The following FAR2 variants were observed in gnomAD, a reference collection of about 807,000 sequenced individuals.
FAR2 encodes the protein epididymis secretory protein Li 81.
A neutral mutation model predicts 56.0 loss-of-function variants in FAR2; 19 were observed. The observed-to-expected ratio is 0.34, with a 90% CI of 0.24 to 0.50. FAR2 has a LOEUF of 0.50. FAR2 is among the 20% of genes least tolerant of loss of function. The pLI is 0.98. For missense variants in FAR2, 508 were observed against 642.2 expected, an observed-to-expected ratio of 0.79 and a Z score of 2.26; for synonymous variants, 219 against 218.8, an observed-to-expected ratio of 1.00 and a Z score of -0.01.
chr12:29,254,411 G>A (rs1948281356), intron 1 of FAR2, among the ~76,000 whole-genome samples: 1 of 152,122 alleles, frequency 6.6e-6, no homozygotes, highest in Admixed American at 6.6e-5. Flanking sequence ...GCTATTTTAG[G>A]GCGGTCCCAA....
chr12:29,259,570 C>A (rs947129845), intron 1 of FAR2, among the ~76,000 whole-genome samples: 1 of 152,126 alleles, frequency 6.6e-6, no homozygotes, highest in African/African-American at 2.4e-5. Flanking sequence ...CCTAACACAC[C>A]TATAATGATT....
intron 2 of FAR2, among the ~76,000 whole-genome samples, chr12:29,280,074 G>A (rs1306480241): frequency 6.6e-5 from 10 of 152,052 alleles, no homozygotes; most frequent in African/African-American, 2.2e-4. Flanking sequence ...ACAGGCACCC[G>A]CCACCATGCC....
intron 1 of FAR2, among the ~76,000 whole-genome samples, chr12:29,266,665 C>T (rs1328395685): frequency 1.3e-5 from 2 of 151,852 alleles, no homozygotes; most frequent in Non-Finnish European, 1.5e-5. Flanking sequence ...GTTTGTAACA[C>T]AAAGAATGGA....
At chr12:29,177,113 C>T (rs1949946165) in intron 1 of FAR2, among the ~76,000 whole-genome samples, 1 of 152,134 alleles carries the variant, frequency 6.6e-6, no homozygotes, top group South Asian at 2.1e-4. Flanking sequence ...AAATAAATAA[C>T]CCGATTACGA....
intron 8 of FAR2, among the ~76,000 whole-genome samples, chr12:29,312,485 G>A (rs967355315): frequency 6.6e-6 from 1 of 152,082 alleles, no homozygotes; most frequent in Non-Finnish European, 1.5e-5. Context: ...GAAGCACTAT[G>A]GGAGAAATAA....
intron 1 of FAR2, among the ~76,000 whole-genome samples, chr12:29,224,649 G>A (rs1947737086): frequency 6.6e-6 from 1 of 152,110 alleles, no homozygotes; most frequent in African/African-American, 2.4e-5. Flanking sequence ...GGGCGAACTG[G>A]AACAGGGCCT....
chr12:29,182,783 T>G (rs570977594), intron 1 of FAR2, among the ~76,000 whole-genome samples: 3 of 152,288 alleles, frequency 2.0e-5, no homozygotes, highest in African/African-American at 7.2e-5. Context: ...AGGGTTTTAC[T>G]GGGAGAGGGC....
intron 1 of FAR2, among the ~76,000 whole-genome samples, chr12:29,265,189 A>G (rs1948493299): frequency 6.6e-6 from 1 of 152,238 alleles, no homozygotes; most frequent in Non-Finnish European, 1.5e-5. Context: ...TAAAATTTAT[A>G]TGGAACCACA....
At chr12:29,309,026 GCC>G (rs1488060107) in intron 5 of FAR2, among the ~76,000 whole-genome samples, 158 bp from the exon 6 acceptor site, 3 of 152,076 alleles carry the variant, frequency 2.0e-5, no homozygotes, top group Admixed American at 1.3e-4. Flanking sequence ...CCAATGCTTT[GCC>G]ATTATCTTTT....
At chr12:29,202,398 G>A (rs1024734788) in intron 1 of FAR2, among the ~76,000 whole-genome samples, 1 of 152,126 alleles carries the variant, frequency 6.6e-6, no homozygotes, top group Non-Finnish European at 1.5e-5. Flanking sequence ...ATTCTCAAAT[G>A]GACATTTATT....
chr12:29,288,601 C>T (rs1344352136), intron 2 of FAR2, among the ~76,000 whole-genome samples: 1 of 152,124 alleles, frequency 6.6e-6, no homozygotes, highest in Admixed American at 6.5e-5. Flanking sequence ...CTTGTCCCTT[C>T]AGTCTTGTCA....
At chr12:29,301,665 T>C (rs1184098103) in intron 4 of FAR2, 1 of 152,184 alleles carries the variant, frequency 6.6e-6, no homozygotes, top group Admixed American at 6.5e-5. Context: ...ATTGAGCATA[T>C]GTAAATAAAT....
rs749998421 is a variant in FAR2, at chr12:29,311,050, C to G, written c.791C>G (p.Ala264Gly). ...IIATGKGFLR[A>G]IKATPMAVAD... is the part of the protein sequence containing the mutation. ...CAGACTGGGAAAGGGTTTCTTCGGG[C>G]CATAAAAGCTACTCCAATGGCTGTG... The change falls in exon 7 of 12, where the codon GCC becomes GGC. Residue 264 changes from alanine (A) to glycine (G), a missense_variant. Transcript: ENST00000536681. The G allele has an allele frequency of 3.7e-6, 6 of 1,613,308 alleles. 1 individual carries two copies. In the South Asian group the frequency reaches 6.6e-5, roughly 18 times the overall value.
chr12:29,334,059 G>A lies in FAR2; in HGVS notation c.*265G>A, dbSNP rs924362480. 8.4e-5 allele frequency: 24 copies of A among 285,764 alleles called. No homozygotes were observed. The Middle Eastern group carries it at 4.2e-3, about 50-fold the overall frequency. The allele number at this position is 285,764 out of a possible 1,614,324, so 17.7% of individuals were successfully genotyped here. The stretch of plus-strand genomic sequence containing the variant: ...TATTTTATGCCCTTGCGTATTAAAC[G>A]TGAAAGTACTCCCACTTTTCTATAT... On this transcript the variant is annotated 3_prime_UTR_variant, in exon 12 of 12. Transcript: ENST00000536681.
chr12:29,228,639 G>T (rs1947806084), intron 1 of FAR2, among the ~76,000 whole-genome samples: 1 of 152,120 alleles, frequency 6.6e-6, no homozygotes, highest in Non-Finnish European at 1.5e-5. Context: ...CCAGGTTGCA[G>T]TGCAGTGGCG....
chr12:29,192,238 C>A (rs1950108799), intron 1 of FAR2, among the ~76,000 whole-genome samples: 1 of 152,186 alleles, frequency 6.6e-6, no homozygotes, highest in South Asian at 2.1e-4. Context: ...TATTGCATTT[C>A]CACAAATTAA....
intron 3 of FAR2, among the ~76,000 whole-genome samples, chr12:29,294,609 C>A (rs558944704): frequency 3.3e-5 from 5 of 152,284 alleles, no homozygotes; most frequent in African/African-American, 1.2e-4. Flanking sequence ...CTTGGCCTCC[C>A]AAAGTGCTGG....
intron 1 of FAR2, among the ~76,000 whole-genome samples, chr12:29,189,869 G>A (rs762686831): frequency 5.9e-5 from 9 of 152,162 alleles, no homozygotes; most frequent in Non-Finnish European, 1.3e-4. Context: ...GATGATATAG[G>A]TTTGAATTAG....
chr12:29,186,712 T>G (rs1950043811), intron 1 of FAR2, among the ~76,000 whole-genome samples: 1 of 152,168 alleles, frequency 6.6e-6, no homozygotes, highest in Admixed American at 6.5e-5. Flanking sequence ...AGCACAAGTT[T>G]CTAGCCCTTC....
Sources: allele counts gnomAD v4.1 joint callset (sites outside exome capture counted in the v4.1 genomes callset), GRCh38; gene constraint gnomAD v4.1.1; transcripts MANE v1.5; gene names NCBI Gene and HGNC (gene_info 2026-07-23, HGNC 2026-07-21).